Variants in MLF1 observed in about 807,000 individuals in gnomAD.
MLF1 encodes myeloid leukemia factor 1, also known as myelodysplasia-myeloid leukemia factor 1.
Under a neutral mutation model 38.3 loss-of-function variants are expected in MLF1, and 37 were observed. That is an observed-to-expected ratio of 0.96 (90% CI 0.74 to 1.27). The LOEUF is 1.27. Among genes scored for constraint, MLF1 ranks in the 50% most tolerant of loss-of-function variants. The pLI, the probability that MLF1 is intolerant of heterozygous loss-of-function variation, is 0.00. For missense variants in MLF1, 331 were observed against 349.2 expected (o/e 0.95, Z 0.42); for synonymous variants, 95 against 106.5 (o/e 0.89, Z 0.66).
chr3:158,573,229 G>T (rs1714827176), intron 1 of MLF1: 1 of 151,628 alleles, frequency 6.6e-6, no homozygotes, highest in South Asian at 2.1e-4. Context: ...GGAGAGTTGT[G>T]CTTTCTCTTC....
At position 158,575,224 on chromosome 3, in the gene MLF1, GT is replaced by G. The variant is rs1715249499; in HGVS notation, c.47+3879del. Among the ~76,000 whole-genome samples, 2 of 152,120 alleles carry G rather than the reference GT, an allele frequency of 1.3e-5. 1 individual carries two copies. The highest frequency in any genetic ancestry group is 4.1e-4 in the South Asian group (2 of 4,834). Reference sequence around the variant, plus strand: ...TATCATAAAAATTGAAGGTAAAATTGTTGCAGTTAACTTTTTTTAAGCCTAA... The same window carrying G: ...TATCATAAAAATTGAAGGTAAAATTGTGCAGTTAACTTTTTTTAAGCCTAA... On this transcript the variant is annotated intron_variant, in intron 1 of 7. Transcript: ENST00000466246.
chr3:158,582,248 A>T (rs1716500048), intron 1 of MLF1, among the ~76,000 whole-genome samples: 1 of 152,072 alleles, frequency 6.6e-6, no homozygotes, highest in Non-Finnish European at 1.5e-5. Context: ...CTTAGGAGAG[A>T]ATCTCTGAGC....
intron 6 of MLF1, among the ~76,000 whole-genome samples, chr3:158,601,283 A>G (rs1719705590): frequency 6.6e-6 from 1 of 152,082 alleles, no homozygotes; most frequent in Admixed American, 6.5e-5. Flanking sequence ...AAATACAAAA[A>G]TCAGGGCCCG....
intron 3 of MLF1, among the ~76,000 whole-genome samples, chr3:158,594,732 A>G (rs1429835084): frequency 1.3e-5 from 2 of 152,174 alleles, no homozygotes; most frequent in African/African-American, 4.8e-5. Flanking sequence ...GACAGGGTTG[A>G]AGGAGCAGTA....
At chr3:158,599,926 C>T (rs1196213399) in intron 5 of MLF1, 88 bp from the exon 6 acceptor site, 4 of 498,370 alleles carry the variant, frequency 8.0e-6, no homozygotes, top group Non-Finnish European at 1.2e-5. Flanking sequence ...AGCAATAGAT[C>T]TATGGCCATA....
rs780323382 is a variant in MLF1 at position 158,602,861 on chromosome 3, C to G, written c.668C>G (p.Pro223Arg). The G allele has an allele frequency of 1.2e-6, 2 of 1,613,480 alleles. No individual in the cohort carries two copies. Among genetic ancestry groups the G allele is most frequent in the Non-Finnish European group, 1.7e-6 (2 of 1,179,740 alleles). ...CAAAGTGAGGTTTTGAAGTACAAAC[C>G]AGGACGACACAATCTAGGAAACACT... is the stretch of plus-strand genomic sequence containing the variant. ...EWQSEVLKYK[P>R]GRHNLGNTRM... Residue 223 changes from proline to arginine, a missense_variant, in exon 7 of 8, where the codon CCA becomes CGA. By Grantham distance (103) the Pro-to-Arg change is moderately radical. Transcript: ENST00000466246.
At chr3:158,588,779 T>G (rs1299442136) in intron 1 of MLF1, 2 of 427,266 alleles carry the variant, frequency 4.7e-6, no homozygotes, top group East Asian at 1.4e-4. Context: ...TGAGACCACA[T>G]TCAGGATGGC....
chr3:158,602,035 C>T (rs534400829), intron 6 of MLF1, among the ~76,000 whole-genome samples: 2 of 152,052 alleles, frequency 1.3e-5, no homozygotes, highest in Admixed American at 1.3e-4. Flanking sequence ...CCAGGATGGT[C>T]TTGATCTCCT....
chr3:158,603,255 A>T (rs545305266), intron 7 of MLF1, among the ~76,000 whole-genome samples: 122 of 152,320 alleles, frequency 8.0e-4, no homozygotes, highest in Non-Finnish European at 1.5e-4. Context: ...ACACATTGTA[A>T]TATGGATATA....
intron 1 of MLF1, among the ~76,000 whole-genome samples, chr3:158,591,739 A>G (rs1332383568): frequency 1.3e-5 from 2 of 152,118 alleles, no homozygotes; most frequent in Admixed American, 1.3e-4. Context: ...AACCACTGTG[A>G]TAAGGTAAAA....
chr3:158,592,434 T>G lies in MLF1; in HGVS notation c.48T>G (p.Ser16=). The part of the protein sequence containing the change: ...NSSFEDDPFF[S]ESILAHRENM... ...TCATGATTATGTATATTTTCAACAG[T>G]GAGTCCATTCTTGCACACCGAGAAA... The change falls in exon 2 of 8, where the codon TCT becomes TCG. Residue 16 remains serine, a splice_region_variant and synonymous_variant. Transcript: ENST00000466246. 1 of 1,600,202 alleles carries G rather than the reference T, an allele frequency of 6.2e-7. No homozygotes were observed. The highest frequency in any genetic ancestry group is 8.5e-7 in the Non-Finnish European group (1 of 1,175,718).
At position 158,596,684 on chromosome 3, in the gene MLF1, A is replaced by G. The variant is rs540559961; in HGVS notation, c.241-178A>G. On this transcript the variant is annotated intron_variant, in intron 3 of 7. Transcript: ENST00000466246. ...TCTTTGGGATTTTGTGTATGCTTCA[A>G]TTTTCTCCTTAACTAATCACTGTCA... is the stretch of plus-strand genomic sequence containing the variant. Among the ~76,000 whole-genome samples, 123 of 152,146 alleles carry G rather than the reference A, an allele frequency of 8.1e-4. No individual in the cohort carries two copies. Among genetic ancestry groups the G allele is most frequent in the African/African-American group, 2.3e-3 (97 of 41,540 alleles).
intron 1 of MLF1, among the ~76,000 whole-genome samples, chr3:158,573,933 T>C (rs1346328599): frequency 6.6e-6 from 1 of 152,124 alleles, no homozygotes; most frequent in East Asian, 1.9e-4. Context: ...GCTTCACAAG[T>C]AGCTGGGTCC....
At chr3:158,598,539 T>G (rs1719252246) in intron 5 of MLF1, among the ~76,000 whole-genome samples, 1 of 152,054 alleles carries the variant, frequency 6.6e-6, no homozygotes, top group Non-Finnish European at 1.5e-5. Flanking sequence ...AATTAATGTC[T>G]ATTTTTAAGT....
chr3:158,582,550 A>T, intron 1 of MLF1: 1 of 253,678 alleles, frequency 3.9e-6, no homozygotes, highest in East Asian at 6.2e-5. Context: ...TGTCGTATTT[A>T]AACTGTAGAA....
intron 1 of MLF1, among the ~76,000 whole-genome samples, chr3:158,590,283 A>G (rs1717926504): frequency 6.6e-6 from 1 of 152,360 alleles, no homozygotes; most frequent in African/African-American, 2.4e-5. Flanking sequence ...ATGAGATGTT[A>G]TGACCCTACC....
rs141565807 is a variant in MLF1, at chr3:158,577,091, G to A, written c.47+5744G>A. On this transcript the variant is annotated intron_variant, in intron 1 of 7. Transcript: ENST00000466246. The stretch of plus-strand genomic sequence containing the variant: ...AAAGTACTGCATATATTCACAGGAT[G>A]TTACTTCTTCTATCTCCTTATATGT... Among the ~76,000 whole-genome samples the A allele has an allele frequency of 4.8e-3, 724 of 152,190 alleles. 6 individuals are homozygous for A. The highest frequency in any genetic ancestry group is 6.9e-3 in the Non-Finnish European group (472 of 67,996).
intron 5 of MLF1, among the ~76,000 whole-genome samples, chr3:158,598,430 CG>C (rs1719236220): frequency 6.6e-6 from 1 of 150,432 alleles, no homozygotes; most frequent in African/African-American, 2.4e-5. Context: ...CCCACCCCCC[CG>C]TGAGGGTGCC....
In MLF1 at chr3:158,598,194, C is replaced by T. The variant is rs763280333; in HGVS notation, c.439C>T (p.Arg147Ter). 7.4e-6 allele frequency: 12 copies of T among 1,613,434 alleles called. No homozygotes were observed. In the South Asian group the frequency reaches 7.7e-5, roughly 10 times the overall value. Residue 147 changes from arginine (R) to a stop codon, truncating the protein, a stop_gained, in exon 5 of 8, where the codon CGA becomes TGA. Transcript: ENST00000466246. LOFTEE classifies it high-confidence loss of function. Reference sequence around the variant, plus strand: ...TTTTCAGGCCTCAACTCAAACTCGTCGAGCTCCAGGAGGAGTAAGTTTTCT... The same window carrying T: ...TTTTCAGGCCTCAACTCAAACTCGTTGAGCTCCAGGAGGAGTAAGTTTTCT... Reference protein sequence around the residue: ...KVFQASTQTRRAPGGIKETRK... With the variant: ...KVFQASTQTR
Sources: allele counts gnomAD v4.1 joint callset (sites outside exome capture counted in the v4.1 genomes callset), GRCh38; gene constraint gnomAD v4.1.1; transcripts MANE v1.5; gene names NCBI Gene and HGNC (gene_info 2026-07-23, HGNC 2026-07-21).